The following CHN2 variants were observed in gnomAD, a reference collection of about 807,000 sequenced individuals.
CHN2 encodes beta-chimaerin.
Under a neutral mutation model 56.3 loss-of-function variants are expected in CHN2, and 35 were observed. That is an observed-to-expected ratio of 0.62 (90% confidence interval 0.47 to 0.82). The LOEUF (loss-of-function observed/expected upper bound fraction) is 0.82, where lower values mean the gene tolerates loss of function less well. Ranked by LOEUF, CHN2 falls within the 40% of genes least tolerant of loss-of-function variation. CHN2 has a pLI of 0.00. For missense variants in CHN2, 491 were observed against 580.5 expected (o/e 0.85, Z 1.58); for synonymous variants, 210 against 212.8 (o/e 0.99, Z 0.12).
At chr7:29,504,078 A>T (rs1790276628) in intron 9 of CHN2, among the ~76,000 whole-genome samples, 1 of 152,240 alleles carries the variant, frequency 6.6e-6, no homozygotes, top group Non-Finnish European at 1.5e-5. Flanking sequence ...AAGTATAACA[A>T]GTAACCGTTT....
chr7:29,387,701 T>G lies in CHN2; in HGVS notation c.145-5978T>G, dbSNP rs566076086. On this transcript the variant is annotated intron_variant, in intron 3 of 12. Transcript: ENST00000222792. ...CATATCTGTGTTCTCCTGATCCTGT[T>G]TAAACATATAGCACATTATATCTGT... Among the ~76,000 whole-genome samples, 164 of 152,326 alleles carry G rather than the reference T, an allele frequency of 1.1e-3. 1 individual carries two copies. The highest frequency in any genetic ancestry group is 1.6e-3 in the Non-Finnish European group (109 of 68,026).
intron 7 of CHN2, among the ~76,000 whole-genome samples, chr7:29,482,049 A>C (rs1160533482): frequency 6.6e-6 from 1 of 152,228 alleles, no homozygotes; most frequent in Non-Finnish European, 1.5e-5. Flanking sequence ...AAACTAAAAG[A>C]TAATTAAATC....
At chr7:29,485,383 C>T (rs577174025) in intron 7 of CHN2, among the ~76,000 whole-genome samples, 20 of 152,126 alleles carry the variant, frequency 1.3e-4, no homozygotes, top group African/African-American at 1.9e-4. Flanking sequence ...TGTGCAACAG[C>T]GCAGGTCACA....
intron 2 of CHN2, among the ~76,000 whole-genome samples, chr7:29,162,433 G>A (rs245907): frequency 0.45 from 67,900 of 151,990 alleles, 15,677 homozygotes; most frequent in East Asian, 0.73. Context: ...AGGCCAAAGC[G>A]GGCAGATCAC....
intron 1 of CHN2, among the ~76,000 whole-genome samples, chr7:29,216,357 T>G (rs1324740323): frequency 6.6e-6 from 1 of 152,192 alleles, no homozygotes; most frequent in Admixed American, 6.5e-5. Context: ...TTGACAAGGT[T>G]GGAAGCTTGC....
intron 5 of CHN2, among the ~76,000 whole-genome samples, chr7:29,399,141 G>A (rs913940175): frequency 1.3e-5 from 2 of 152,148 alleles, no homozygotes; most frequent in African/African-American, 4.8e-5. Context: ...TGTGGACACT[G>A]GGACTCTGAT....
intron 3 of CHN2, among the ~76,000 whole-genome samples, chr7:29,368,525 G>A (rs955989864): frequency 6.6e-6 from 1 of 152,100 alleles, no homozygotes; most frequent in African/African-American, 2.4e-5. Context: ...TGAAAGGCAG[G>A]ACTAAGGCTC....
At chr7:29,345,457 T>C (rs1797359266) in intron 1 of CHN2, among the ~76,000 whole-genome samples, 1 of 152,038 alleles carries the variant, frequency 6.6e-6, no homozygotes. Flanking sequence ...GCATTTACGC[T>C]GAGATCCCAT....
chr7:29,446,998 G>C (rs959327914), intron 6 of CHN2, among the ~76,000 whole-genome samples: 1 of 152,140 alleles, frequency 6.6e-6, no homozygotes, highest in African/African-American at 2.4e-5. Flanking sequence ...CTGTTTCCAA[G>C]TAACTTTAAC....
chr7:29,311,494 C>T (rs1178647674), intron 1 of CHN2, among the ~76,000 whole-genome samples: 4 of 152,190 alleles, frequency 2.6e-5, no homozygotes, highest in Non-Finnish European at 5.9e-5. Context: ...ATCATAGCCC[C>T]ACTTCACGGA....
At chr7:29,149,716 C>A (rs886519277) in intron 2 of CHN2, among the ~76,000 whole-genome samples, 1 of 152,026 alleles carries the variant, frequency 6.6e-6, no homozygotes, top group Admixed American at 6.6e-5. Flanking sequence ...GATCCTTCCT[C>A]GCTGCTTCTA....
At chr7:29,347,783 A>G (rs781346142) in intron 1 of CHN2, among the ~76,000 whole-genome samples, 8 of 152,238 alleles carry the variant, frequency 5.3e-5, no homozygotes, top group Non-Finnish European at 1.0e-4. Context: ...ATATTTTGCT[A>G]TACTCATGTA....
In CHN2 at chr7:29,384,083, G is replaced by A. The variant is rs564248119; in HGVS notation, c.145-9596G>A. ...AGCTTGGGCATTGAGTGGGTGATAC[G>A]CTGGATGGTAGCATTCACAGGGGTG... is the stretch of plus-strand genomic sequence containing the variant. On this transcript the variant is annotated intron_variant, in intron 3 of 12. Coordinates refer to ENST00000222792, the MANE Select transcript of CHN2 (RefSeq NM_004067.4). Among the ~76,000 whole-genome samples, 6 of 152,266 alleles carry A rather than the reference G, an allele frequency of 3.9e-5. No homozygotes were observed. The South Asian group carries it at 6.2e-4, about 16-fold the overall frequency.
chr7:29,262,634 T>G (rs1191835670), intron 1 of CHN2, among the ~76,000 whole-genome samples: 1 of 152,240 alleles, frequency 6.6e-6, no homozygotes, highest in Non-Finnish European at 1.5e-5. Flanking sequence ...GAACCTTCCT[T>G]ACTAAAAAGA....
At chr7:29,436,894 CT>C (rs890447194) in intron 6 of CHN2, among the ~76,000 whole-genome samples, 50 of 150,208 alleles carry the variant, frequency 3.3e-4, no homozygotes, top group African/African-American at 7.1e-4. Context: ...CAATCCTAAC[CT>C]TTTTTTTTAA....
chr7:29,232,749 A>G (rs1247933042), intron 1 of CHN2, among the ~76,000 whole-genome samples: 1 of 152,158 alleles, frequency 6.6e-6, no homozygotes, highest in African/African-American at 2.4e-5. Context: ...GAGTTGTTGA[A>G]TGCTCATTGA....
At chr7:29,345,930 A>G (rs1797400455) in intron 1 of CHN2, among the ~76,000 whole-genome samples, 1 of 152,054 alleles carries the variant, frequency 6.6e-6, no homozygotes, top group Non-Finnish European at 1.5e-5. Flanking sequence ...TTGTCTTACT[A>G]ACTATTCTCT....
intron 6 of CHN2, among the ~76,000 whole-genome samples, chr7:29,477,563 T>C (rs985073740): frequency 6.6e-6 from 1 of 152,262 alleles, no homozygotes; most frequent in Non-Finnish European, 1.5e-5. Context: ...CTCGCTTTGC[T>C]AGCAGTGAAG....
intron 2 of CHN2, among the ~76,000 whole-genome samples, chr7:29,168,825 A>T (rs892649288): frequency 1.3e-5 from 2 of 152,248 alleles, no homozygotes; most frequent in Non-Finnish European, 2.9e-5. Context: ...TGTACTACTA[A>T]GTATGTATTA....
Sources: allele counts gnomAD v4.1 joint callset (sites outside exome capture counted in the v4.1 genomes callset), GRCh38; gene constraint gnomAD v4.1.1; transcripts MANE v1.5; gene names NCBI Gene and HGNC (gene_info 2026-07-23, HGNC 2026-07-21).